The following ROBO2 variants were observed in gnomAD, a reference collection of about 807,000 sequenced individuals.
ROBO2 encodes roundabout homolog 2.
A neutral mutation model predicts 160.8 loss-of-function variants in ROBO2; 53 were observed. The ratio of observed to expected loss-of-function variants is 0.33; its 90% CI spans 0.26 to 0.41. The LOEUF (loss-of-function observed/expected upper bound fraction) is 0.41, where lower values mean the gene tolerates loss of function less well. Ranked by LOEUF, ROBO2 falls within the 10% of genes least tolerant of loss-of-function variation. The pLI is 1.00. For missense variants in ROBO2, 1,577 were observed against 1,722.4 expected (o/e 0.92, Z 1.49); for synonymous variants, 664 against 611.7 (o/e 1.09, Z -1.26).
At chr3:77,206,245 C>A (rs1181137179) in intron 2 of ROBO2, among the ~76,000 whole-genome samples, 5 of 152,120 alleles carry the variant, frequency 3.3e-5, no homozygotes, top group Admixed American at 3.3e-4. Context: ...TCTCAGCTCA[C>A]TGCAACCTCC....
intron 2 of ROBO2, among the ~76,000 whole-genome samples, chr3:77,388,520 T>C (rs2074370968): frequency 6.6e-6 from 1 of 152,212 alleles, no homozygotes; most frequent in Non-Finnish European, 1.5e-5. Flanking sequence ...TACTTTCTTC[T>C]TTTTTAAAGT....
chr3:76,050,918 C>T (rs1043415248), intron 2 of ROBO2, among the ~76,000 whole-genome samples: 3 of 152,184 alleles, frequency 2.0e-5, no homozygotes, highest in African/African-American at 7.2e-5. Context: ...GACAACTATT[C>T]CTGCAGAAGA....
intron 2 of ROBO2, among the ~76,000 whole-genome samples, chr3:77,455,563 C>T (rs142464628): frequency 6.6e-6 from 1 of 152,198 alleles, no homozygotes; most frequent in Non-Finnish European, 1.5e-5. Flanking sequence ...TCCTGAGTAG[C>T]TGGGATTACA....
At chr3:77,602,661 GCCACCACCA>G (rs879356392) in intron 20 of ROBO2, among the ~76,000 whole-genome samples, 170 bp downstream of exon 21, 31 of 128,332 alleles carry the variant, frequency 2.4e-4, no homozygotes, top group Admixed American at 1.1e-3. Flanking sequence ...CACCACCACC[GCCACCACCA>G]CCACCACCAC....
intron 1 of ROBO2, among the ~76,000 whole-genome samples, chr3:77,077,422 A>G (rs2068127625): frequency 1.3e-5 from 2 of 152,208 alleles, no homozygotes; most frequent in Admixed American, 1.3e-4. Context: ...AAGAAACAAG[A>G]TCTTTATAAA....
At chr3:76,008,138 G>A (rs2066077427) in intron 2 of ROBO2, among the ~76,000 whole-genome samples, 1 of 150,078 alleles carries the variant, frequency 6.7e-6, no homozygotes, top group Non-Finnish European at 1.5e-5. Flanking sequence ...GGGAGGCTGA[G>A]GTAGGAGAAT....
intron 2 of ROBO2, among the ~76,000 whole-genome samples, chr3:76,840,753 A>G (rs2068178961): frequency 6.6e-6 from 1 of 151,230 alleles, no homozygotes; most frequent in African/African-American, 2.4e-5. Flanking sequence ...ACTTTTGCTA[A>G]AATGAACAAC....
intron 2 of ROBO2, among the ~76,000 whole-genome samples, chr3:76,112,387 AT>A (rs936992328): frequency 6.6e-6 from 1 of 151,858 alleles, no homozygotes; most frequent in African/African-American, 2.4e-5. Context: ...ACCTAGTCAT[AT>A]TTTTTCTACT....
At chr3:76,189,053 T>G (rs989228894) in intron 2 of ROBO2, among the ~76,000 whole-genome samples, 2 of 152,002 alleles carry the variant, frequency 1.3e-5, no homozygotes, top group Non-Finnish European at 2.9e-5. Flanking sequence ...AGAAAACACA[T>G]CATAGGAATA....
At chr3:76,829,023 T>G (rs1274433025) in intron 2 of ROBO2, among the ~76,000 whole-genome samples, 1 of 152,106 alleles carries the variant, frequency 6.6e-6, no homozygotes, top group Non-Finnish European at 1.5e-5. Context: ...CATGATTCTT[T>G]CCTTAAACTG....
chr3:77,257,685 T>C (rs182222493), intron 2 of ROBO2, among the ~76,000 whole-genome samples: 19 of 152,312 alleles, frequency 1.2e-4, no homozygotes. Context: ...TAGCTTAGCA[T>C]AGGAATGACT....
At chr3:76,886,724 C>T (rs2073920990) in intron 2 of ROBO2, among the ~76,000 whole-genome samples, 1 of 151,890 alleles carries the variant, frequency 6.6e-6, no homozygotes, top group Admixed American at 6.6e-5. Flanking sequence ...CAGTTGCATT[C>T]ACGAAACTGG....
intron 6 of ROBO2, among the ~76,000 whole-genome samples, chr3:77,542,115 G>C (rs983529900): frequency 6.6e-6 from 1 of 152,192 alleles, no homozygotes; most frequent in African/African-American, 2.4e-5. Context: ...CCACCTGGCA[G>C]AGACACTGAA....
intron 2 of ROBO2, among the ~76,000 whole-genome samples, chr3:76,231,727 A>G (rs978704711): frequency 6.6e-6 from 1 of 152,224 alleles, no homozygotes; most frequent in African/African-American, 2.4e-5. Flanking sequence ...CTAAGAAACA[A>G]GGATGAAGCA....
intron 2 of ROBO2, among the ~76,000 whole-genome samples, chr3:76,646,428 A>G (rs1004310782): frequency 6.6e-6 from 1 of 152,218 alleles, no homozygotes; most frequent in Non-Finnish European, 1.5e-5. Flanking sequence ...ACAGTTGTGA[A>G]GTCTAACAAT....
rs189695124 is a variant in ROBO2 at position 76,976,118 on chromosome 3, A to G, written c.110-121896A>G. 3.3e-5 allele frequency among the ~76,000 whole-genome samples: 5 copies of G among 152,348 alleles called. No individual in the cohort carries two copies. The East Asian group carries it at 7.7e-4, about 24-fold the overall frequency. On this transcript the variant is annotated intron_variant, in intron 2 of 26. Coordinates refer to the ROBO2 transcript ENST00000487694. ...TAAAAACTGGCAATATGTCGTAAAT[A>G]TCTAAACTGAAGACTCACTTCAGAG...
intron 2 of ROBO2, among the ~76,000 whole-genome samples, chr3:76,507,527 A>G (rs568028007): frequency 6.6e-6 from 1 of 152,270 alleles, no homozygotes; most frequent in Admixed American, 6.5e-5. Flanking sequence ...AGTTCCCTTT[A>G]CAGAGAATGC....
intron 2 of ROBO2, among the ~76,000 whole-genome samples, chr3:76,610,688 C>T (rs1229532978): frequency 2.1e-5 from 3 of 142,486 alleles, no homozygotes; most frequent in Non-Finnish European, 4.5e-5. Context: ...CCTGTGTGGT[C>T]CAGTGAGCAG....
intron 2 of ROBO2, among the ~76,000 whole-genome samples, chr3:77,401,749 G>A (rs4131211): frequency 3.3e-5 from 5 of 151,844 alleles, no homozygotes; most frequent in African/African-American, 2.4e-5. Context: ...ATTTGTTACC[G>A]GCTTCTTTAA....
Sources: allele counts gnomAD v4.1 joint callset (sites outside exome capture counted in the v4.1 genomes callset), GRCh38; gene constraint gnomAD v4.1.1; transcripts MANE v1.5; gene names NCBI Gene and HGNC (gene_info 2026-07-23, HGNC 2026-07-21).